NUP54: variants seen among roughly 807,000 people sequenced by gnomAD.
NUP54 encodes nucleoporin 54, also known as nucleoporin p54.
NUP54 carries 27 observed loss-of-function variants against 66.4 expected under a neutral mutation model. The observed-to-expected ratio is 0.41, with a 90% CI of 0.30 to 0.56. The LOEUF (loss-of-function observed/expected upper bound fraction) is 0.56. NUP54 is among the 20% of genes least tolerant of loss of function. NUP54 has a pLI of 0.34. For synonymous variants in NUP54, 206 were observed against 210.7 expected, an observed-to-expected ratio of 0.98 and a Z score of 0.19; for missense variants, 486 against 596.3, an observed-to-expected ratio of 0.82 and a Z score of 1.93.
At position 76,136,384 on chromosome 4, in the gene NUP54, T is replaced by G; in HGVS notation, c.324A>C (p.Thr108=). 6.2e-7 allele frequency: 1 copy of G among 1,614,038 alleles called. No individual in the cohort carries two copies. Among genetic ancestry groups the G allele is most frequent in the Non-Finnish European group, 8.5e-7 (1 of 1,179,944 alleles). The part of the protein sequence containing the change: ...TTLGGLFSQP[T]QAPTQSNQLI... Reference sequence around the variant, plus strand: ...GCTGGTTGGACTGGGTAGGAGCTTGTGTAGGCTGACTGAAGAGACCACCTA... The same window carrying G: ...GCTGGTTGGACTGGGTAGGAGCTTGGGTAGGCTGACTGAAGAGACCACCTA... Residue 108 remains threonine (T), a synonymous_variant, in exon 4 of 12, where the codon ACA becomes ACC. Transcript: ENST00000264883.
intron 3 of NUP54, among the ~76,000 whole-genome samples, chr4:76,137,095 T>C (rs1731070204): frequency 6.6e-6 from 1 of 152,156 alleles, no homozygotes; most frequent in Non-Finnish European, 1.5e-5. Flanking sequence ...GCTCAAGCAA[T>C]ACCCCTGCTT....
intron 1 of NUP54, chr4:76,148,065 A>C (rs1578702126): frequency 2.4e-6 from 1 of 420,848 alleles, no homozygotes; most frequent in African/African-American, 2.0e-5. Context: ...CGAACCGCTC[A>C]AGCCAGGGCC....
intron 9 of NUP54, among the ~76,000 whole-genome samples, chr4:76,120,668 C>T (rs941294910): frequency 3.3e-5 from 5 of 152,086 alleles, no homozygotes; most frequent in African/African-American, 1.2e-4. Flanking sequence ...ACCTCGTGAT[C>T]CACCCGCCTC....
chr4:76,134,413 C>A (rs1288342666), intron 4 of NUP54, 51 bp from the exon 5 acceptor site: 1 of 1,436,540 alleles, frequency 7.0e-7, no homozygotes, highest in African/African-American at 1.4e-5. Context: ...GATCTTAAAT[C>A]AGGTGTTTAA....
chr4:76,125,316 T>TCACACACTCACA (rs370206894), intron 8 of NUP54, among the ~76,000 whole-genome samples: 6 of 125,284 alleles, frequency 4.8e-5, no homozygotes, highest in African/African-American at 1.6e-4. Context: ...TGAGACTCCA[T>TCACACACTCACA]CACACACACA....
intron 3 of NUP54, among the ~76,000 whole-genome samples, chr4:76,143,071 G>T (rs1553944842): frequency 6.6e-6 from 1 of 151,162 alleles, no homozygotes; most frequent in Non-Finnish European, 1.5e-5. Context: ...CTCAATGGCT[G>T]ATCACTCAAA....
In NUP54 at chr4:76,114,725, C is replaced by CT. The variant is rs1460449069; in HGVS notation, c.*640dup. 3 of 151,330 alleles carry CT rather than the reference C, an allele frequency of 2.0e-5. No homozygotes were observed. The highest frequency in any genetic ancestry group is 7.3e-5 in the African/African-American group (3 of 41,272). The allele number at this position is 151,330 out of a possible 1,614,324, so 9.4% of individuals were successfully genotyped here. A position where few individuals can be genotyped will look rare whatever the true frequency, so the allele number is the denominator to read the frequency against. On this transcript the variant is annotated 3_prime_UTR_variant, in exon 12 of 12. Transcript: ENST00000264883. ...TTTCATCTTTTTAGAAATAAAAAGG[C>CT]TTAAAAAACAAAATGGTTGCAAAAA...
chr4:76,135,534 G>A (rs960059838), intron 4 of NUP54, among the ~76,000 whole-genome samples: 6 of 152,156 alleles, frequency 3.9e-5, no homozygotes, highest in Non-Finnish European at 8.8e-5. Context: ...TTTATTCAAG[G>A]ATCTGATCCT....
At chr4:76,139,895 AG>A (rs1295683110) in intron 3 of NUP54, among the ~76,000 whole-genome samples, 1 of 152,210 alleles carries the variant, frequency 6.6e-6, no homozygotes, top group Non-Finnish European at 1.5e-5. Flanking sequence ...CATAAAGAAC[AG>A]TAAGTGTTCA....
intron 3 of NUP54, among the ~76,000 whole-genome samples, chr4:76,137,925 G>A (rs141715884): frequency 4.5e-4 from 68 of 152,224 alleles, no homozygotes; most frequent in African/African-American, 1.6e-3. Flanking sequence ...GTGTTTCAAA[G>A]TAAACTGATT....
At chr4:76,128,267 T>C (rs1730628396) in intron 8 of NUP54, among the ~76,000 whole-genome samples, 1 of 151,982 alleles carries the variant, frequency 6.6e-6, no homozygotes, top group Admixed American at 6.5e-5. Context: ...ACGCCTGTAG[T>C]ACTCCCCAAC....
chr4:76,117,275 A>G (rs1243306427), intron 11 of NUP54, among the ~76,000 whole-genome samples: 2 of 152,176 alleles, frequency 1.3e-5, no homozygotes, highest in African/African-American at 4.8e-5. Context: ...AAGGCTGAAT[A>G]ATATTCCATT....
At chr4:76,120,538 TC>T (rs1266733267) in intron 9 of NUP54, among the ~76,000 whole-genome samples, 2 of 150,744 alleles carry the variant, frequency 1.3e-5, no homozygotes, top group African/African-American at 2.4e-5. Context: ...CAAGCAATTC[TC>T]TGCCTCAGCC....
chr4:76,144,411 G>T lies in NUP54; in HGVS notation c.130C>A (p.Pro44Thr). The T allele has an allele frequency of 5.0e-6, 8 of 1,609,562 alleles. No individual in the cohort carries two copies. The highest frequency in any genetic ancestry group is 6.8e-6 in the Non-Finnish European group (8 of 1,178,856). ...TTACCAGTAGTGCCTGTGTTAGTTGGGGCAGAAAAGCTGAATGCAGAACCT... is the reference window on the plus strand; with the variant it reads ...TTACCAGTAGTGCCTGTGTTAGTTGTGGCAGAAAAGCTGAATGCAGAACCT... Reference protein sequence around the residue: ...TAGSAFSFSAPTNTGTTGLFG... With the variant: ...TAGSAFSFSATTNTGTTGLFG... The change falls in exon 2 of 12, where the codon CCA becomes ACA. Residue 44 changes from proline to threonine, a missense_variant. Around this residue, in one of 4 missense-constraint regions of NUP54, gnomAD observed 145 missense variants for 137.1 expected, o/e 1.06. Coordinates refer to ENST00000264883, the MANE Select transcript of NUP54 (RefSeq NM_017426.4).
intron 9 of NUP54, among the ~76,000 whole-genome samples, chr4:76,119,542 CTT>C (rs11358048): frequency 0.14 from 19,428 of 143,258 alleles, 1,483 homozygotes; most frequent in East Asian, 0.35. Flanking sequence ...AATTTTTTTT[CTT>C]TTTTTTTTTT....
intron 9 of NUP54, 65 bp from the exon 10 acceptor site, chr4:76,118,259 G>T (rs751771034): frequency 9.8e-5 from 136 of 1,392,976 alleles, no homozygotes; most frequent in Non-Finnish European, 1.3e-4. Flanking sequence ...AGTAGTAGTA[G>T]TACAATTAGT....
intron 11 of NUP54, 65 bp from the exon 12 acceptor site, chr4:76,115,559 G>A: frequency 1.5e-6 from 2 of 1,311,652 alleles, no homozygotes; most frequent in South Asian, 1.6e-5. Flanking sequence ...CTAGTCACAG[G>A]AAAAAAGACT....
chr4:76,130,993 C>T (rs1578680792), intron 7 of NUP54: 2 of 602,048 alleles, frequency 3.3e-6, no homozygotes, highest in East Asian at 5.5e-5. Flanking sequence ...ATAGAATTTT[C>T]CGCTCCTAGT....
chr4:76,123,889 ACT>A (rs1192256772), intron 9 of NUP54, among the ~76,000 whole-genome samples: 17 of 151,630 alleles, frequency 1.1e-4, no homozygotes, highest in African/African-American at 4.1e-4. Context: ...TGTATATTTT[ACT>A]CTGTTTTTCC....
Sources: allele counts gnomAD v4.1 joint callset (sites outside exome capture counted in the v4.1 genomes callset), GRCh38; gene constraint gnomAD v4.1.1; regional missense constraint gnomAD v4.1.1; transcripts MANE v1.5; gene names NCBI Gene and HGNC (gene_info 2026-07-23, HGNC 2026-07-21).